Variants in DCBLD2 observed in about 807,000 individuals in gnomAD.
DCBLD2 encodes the protein discoidin, CUB and LCCL domain containing 2.
A neutral mutation model predicts 86.8 loss-of-function variants in DCBLD2; 54 were observed. The ratio of observed to expected loss-of-function variants is 0.62; its 90% CI spans 0.50 to 0.78. DCBLD2 has a LOEUF of 0.78. Among genes scored for constraint, DCBLD2 ranks in the 30% least tolerant of loss-of-function variants. The probability of loss-of-function intolerance (pLI) is 0.00; values close to 1 mark genes in which losing one functional copy is unlikely to be tolerated. For synonymous variants in DCBLD2, 354 were observed against 341.3 expected (o/e 1.04, Z -0.41); for missense variants, 908 against 954.2 (o/e 0.95, Z 0.64).
chr3:98,863,292 G>C (rs540837355), intron 2 of DCBLD2, among the ~76,000 whole-genome samples: 1 of 152,234 alleles, frequency 6.6e-6, no homozygotes, highest in Non-Finnish European at 1.5e-5. Flanking sequence ...TACTGCCCAA[G>C]GTAATTTATA....
Position 98,797,945 on chromosome 3 carries a change from C to T in DCBLD2, c.*1427G>A, listed in dbSNP as rs1472883649. 6.6e-6 allele frequency: 1 copy of T among 152,160 alleles called. No individual in the cohort carries two copies. Among genetic ancestry groups the T allele is most frequent in the Non-Finnish European group, 1.5e-5 (1 of 68,026 alleles). The allele number at this position is 152,160 out of a possible 1,614,324, so 9.4% of individuals were successfully genotyped here. A position where few individuals can be genotyped will look rare whatever the true frequency, so the allele number is the denominator to read the frequency against. Reference sequence around the variant, plus strand: ...GAATGTCAAATTTATGTATTTTTATCATATGGTGAGCTGCTCATGTCGTCT... The same window carrying T: ...GAATGTCAAATTTATGTATTTTTATTATATGGTGAGCTGCTCATGTCGTCT... On this transcript the variant is annotated 3_prime_UTR_variant, in exon 16 of 16. Transcript: ENST00000326840.
rs1439981588 is a variant in DCBLD2, at chr3:98,881,719, G to C, written c.254C>G (p.Thr85Arg). The C allele has an allele frequency of 1.9e-6, 3 of 1,613,914 alleles. No individual in the cohort carries two copies. The highest frequency in any genetic ancestry group is 2.5e-6 in the Non-Finnish European group (3 of 1,179,870). ...TVLGPESGTLTSINYPQTYPN... is the reference protein window; with the variant it reads ...TVLGPESGTLRSINYPQTYPN... ...ATAGGTCTGTGGGTAGTTTATGGAT[G>C]TAAGGGTTCCACTCTCAGGGCCTAG... Residue 85 changes from threonine (T) to arginine (R), a missense_variant, in exon 2 of 16, where the codon ACA becomes AGA. Physicochemically the swap from Thr to Arg is moderately conservative, Grantham distance 71. Coordinates refer to ENST00000326840, the MANE Select transcript of DCBLD2 (RefSeq NM_080927.4).
intron 3 of DCBLD2, among the ~76,000 whole-genome samples, chr3:98,841,540 T>A (rs1942621070): frequency 6.6e-6 from 1 of 152,214 alleles, no homozygotes; most frequent in Admixed American, 6.5e-5. Context: ...TTGGTTACTA[T>A]CATAGAAATA....
chr3:98,839,453 T>G (rs372265699), intron 3 of DCBLD2, among the ~76,000 whole-genome samples: 23 of 152,244 alleles, frequency 1.5e-4, no homozygotes, highest in East Asian at 1.2e-3. Context: ...AATTGTATAT[T>G]TTAAATAAGG....
chr3:98,867,517 A>AAG (rs200679931), intron 2 of DCBLD2, among the ~76,000 whole-genome samples: 3 of 152,192 alleles, frequency 2.0e-5, no homozygotes, highest in Admixed American at 2.0e-4. Flanking sequence ...ACTATAATCC[A>AAG]ATTCAATTTT....
intron 3 of DCBLD2, among the ~76,000 whole-genome samples, chr3:98,839,892 A>G (rs1295843428): frequency 6.6e-6 from 1 of 152,256 alleles, no homozygotes; most frequent in African/African-American, 2.4e-5. Flanking sequence ...CACTGTGAAG[A>G]TGACATTTAA....
chr3:98,880,392 T>A (rs984290392), intron 2 of DCBLD2, among the ~76,000 whole-genome samples: 8 of 152,254 alleles, frequency 5.3e-5, no homozygotes, highest in African/African-American at 1.9e-4. Flanking sequence ...CCTAATTTTA[T>A]AATGTTAGTT....
At chr3:98,868,311 A>T (rs1436410882) in intron 2 of DCBLD2, among the ~76,000 whole-genome samples, 2 of 152,200 alleles carry the variant, frequency 1.3e-5, no homozygotes, top group Non-Finnish European at 2.9e-5. Flanking sequence ...ATCATTTATT[A>T]TATTTAATTA....
intron 3 of DCBLD2, among the ~76,000 whole-genome samples, chr3:98,847,336 G>A (rs1942745251): frequency 6.6e-6 from 1 of 152,206 alleles, no homozygotes. Flanking sequence ...GGGATACCAA[G>A]AGTCCTTTCC....
rs2919233 is a variant in DCBLD2 at position 98,870,663 on chromosome 3, A to C, written c.433+10877T>G. ...AGGAAGAAGAGATAGAGAAAGAGAGAGAGAGAGAGAGAGAGAAATAGAGAA... is the reference window on the plus strand; with the variant it reads ...AGGAAGAAGAGATAGAGAAAGAGAGCGAGAGAGAGAGAGAGAAATAGAGAA... On this transcript the variant is annotated intron_variant, in intron 2 of 15. Transcript: ENST00000326840. 7.4e-3 allele frequency among the ~76,000 whole-genome samples: 722 copies of C among 98,184 alleles called. 8 individuals are homozygous for C. The highest frequency in any genetic ancestry group is 9.0e-3 in the Middle Eastern group (2 of 222). 64.4% of individuals were successfully genotyped at this position (98,184 alleles called of 152,430 possible). A position where few individuals can be genotyped will look rare whatever the true frequency, so the allele number is the denominator to read the frequency against.
intron 4 of DCBLD2, 106 bp from the exon 5 acceptor site, chr3:98,822,847 C>T (rs1559774632): frequency 1.1e-6 from 1 of 924,534 alleles, no homozygotes; most frequent in Non-Finnish European, 1.6e-6. Flanking sequence ...AAGGTGAATA[C>T]CATAATTTCA....
At chr3:98,868,289 A>C (rs1262227114) in intron 2 of DCBLD2, among the ~76,000 whole-genome samples, 1 of 152,176 alleles carries the variant, frequency 6.6e-6, no homozygotes, top group African/African-American at 2.4e-5. Context: ...GGACTTGAGG[A>C]AAAAGACAGT....
At chr3:98,899,441 G>A (rs925648614) in intron 1 of DCBLD2, among the ~76,000 whole-genome samples, 1 of 151,846 alleles carries the variant, frequency 6.6e-6, no homozygotes, top group African/African-American at 2.4e-5. Context: ...TAGGAGAGAC[G>A]GGGTTTCACC....
chr3:98,803,446 T>C (rs1460296531), intron 13 of DCBLD2, among the ~76,000 whole-genome samples: 1 of 152,244 alleles, frequency 6.6e-6, no homozygotes, highest in Non-Finnish European at 1.5e-5. Flanking sequence ...GATTTTGGGC[T>C]GAGATGATGG....
intron 3 of DCBLD2, among the ~76,000 whole-genome samples, chr3:98,835,660 T>C (rs1942426763): frequency 6.8e-6 from 1 of 147,716 alleles, no homozygotes; most frequent in Non-Finnish European, 1.5e-5. Flanking sequence ...AGCGATTCTC[T>C]CGTCTTAGCC....
chr3:98,818,341 A>G (rs978116334), intron 8 of DCBLD2, among the ~76,000 whole-genome samples: 8 of 152,220 alleles, frequency 5.3e-5, no homozygotes, highest in Non-Finnish European at 1.2e-4. Flanking sequence ...GTGGAAAATT[A>G]ATGATCTCAT....
intron 12 of DCBLD2, among the ~76,000 whole-genome samples, chr3:98,809,195 T>A (rs1046731608): frequency 2.0e-5 from 3 of 152,144 alleles, no homozygotes; most frequent in African/African-American, 7.2e-5. Flanking sequence ...TAGAAAATGA[T>A]CTGCCTAAGG....
At position 98,799,771 on chromosome 3, in the gene DCBLD2, T is replaced by C. The variant is rs1652304509; in HGVS notation, c.1929A>G (p.Glu643=). 1.9e-6 allele frequency: 3 copies of C among 1,613,794 alleles called. No homozygotes were observed. Among genetic ancestry groups the C allele is most frequent in the Non-Finnish European group, 2.5e-6 (3 of 1,179,848 alleles). The change falls in exon 16 of 16, where the codon GAA becomes GAG. Residue 643 remains glutamate (E), a synonymous_variant. Transcript: ENST00000326840. ...GGTCTGCATAGCCTGCTTCTTTTCC[T>C]TCTTCTGGTTTAAAGGTAGATCTTT... ...LHQRSTFKPE[E]GKEAGYADLD...
intron 13 of DCBLD2, among the ~76,000 whole-genome samples, chr3:98,803,795 G>T (rs1024744767): frequency 2.0e-5 from 3 of 152,176 alleles, no homozygotes; most frequent in Non-Finnish European, 2.9e-5. Context: ...TGCATTTATT[G>T]AGATAATCAT....
Sources: gnomAD v4.1 joint callset for allele counts (sites outside exome capture counted in the v4.1 genomes callset) on GRCh38, gnomAD v4.1.1 for gene constraint, MANE v1.5 for transcripts, NCBI Gene and HGNC (gene_info 2026-07-23, HGNC 2026-07-21) for gene names.